Variants in MIER3 observed in about 807,000 individuals in gnomAD.
MIER3 encodes the protein mesoderm induction early response protein 3.
Under a neutral mutation model 63.2 loss-of-function variants are expected in MIER3, and 9 were observed. That is an observed-to-expected ratio of 0.14 (90% CI 0.09 to 0.25). The LOEUF (loss-of-function observed/expected upper bound fraction) is 0.25. Ranked by LOEUF, MIER3 falls within the 10% of genes least tolerant of loss-of-function variation. The pLI, the probability that MIER3 is intolerant of heterozygous loss-of-function variation, is 1.00. For synonymous variants in MIER3, 205 were observed against 224.9 expected (o/e 0.91, Z 0.79); for missense variants, 512 against 666.2 (o/e 0.77, Z 2.55).
chr5:56,942,615 G>A (rs920069962), intron 3 of MIER3, among the ~76,000 whole-genome samples: 1 of 152,126 alleles, frequency 6.6e-6, no homozygotes, highest in Non-Finnish European at 1.5e-5. Context: ...GGCACACAGA[G>A]TGAGACGATA....
intron 9 of MIER3, 60 bp from the exon 10 acceptor site, chr5:56,928,921 A>T: frequency 8.5e-7 from 1 of 1,170,598 alleles, no homozygotes. Context: ...TGAATCACTG[A>T]TTTTCAGTAT....
chr5:56,928,213 T>G (rs1750092029), intron 10 of MIER3: 1 of 152,244 alleles, frequency 6.6e-6, no homozygotes, highest in African/African-American at 2.4e-5. Flanking sequence ...TTTGGGTAAA[T>G]GCCAAGGAAC....
chr5:56,933,686 C>T (rs1405027042), intron 7 of MIER3, among the ~76,000 whole-genome samples: 1 of 152,050 alleles, frequency 6.6e-6, no homozygotes, highest in Non-Finnish European at 1.5e-5. Context: ...ATATAAAACC[C>T]CATAGTGGTT....
intron 10 of MIER3, chr5:56,925,436 A>G (rs1561230858): frequency 2.5e-6 from 1 of 401,926 alleles, no homozygotes; most frequent in South Asian, 1.9e-5. Context: ...TTAATACACA[A>G]AAGTCAACTG....
chr5:56,932,814 TAA>T (rs970243100), intron 8 of MIER3, among the ~76,000 whole-genome samples: 2 of 152,136 alleles, frequency 1.3e-5, no homozygotes, highest in African/African-American at 4.8e-5. Flanking sequence ...TTATAAAATC[TAA>T]AAGTCCAACC....
intron 1 of MIER3, among the ~76,000 whole-genome samples, chr5:56,950,970 A>T (rs904087789): frequency 6.6e-6 from 1 of 151,766 alleles, no homozygotes; most frequent in Non-Finnish European, 1.5e-5. Context: ...GGCTGGCACC[A>T]TCAGTCCCCC....
intron 8 of MIER3, among the ~76,000 whole-genome samples, chr5:56,932,264 A>G (rs1750295592): frequency 6.6e-6 from 1 of 152,212 alleles, no homozygotes; most frequent in Non-Finnish European, 1.5e-5. Context: ...CATCTTGGAA[A>G]AGTAAATAAA....
At position 56,937,656 on chromosome 5, in the gene MIER3, T is replaced by C. The variant is rs762179783; in HGVS notation, c.358A>G (p.Thr120Ala). Residue 120 changes from threonine (T) to alanine (A), a missense_variant, in exon 5 of 13, where the codon ACT (threonine) becomes GCT (alanine). Around this residue, in one of 5 missense-constraint regions of MIER3, gnomAD observed 44 missense variants for 87.6 expected, o/e 0.50. Transcript: ENST00000381199. ...GTCAGATCATCCGCAGAAGACTGAG[T>C]TTCCTCGTCATCACCTGACAACAGG... is the stretch of plus-strand genomic sequence containing the variant. ...KDLLSGDDEE[T>A]QSSADDLTPS... The C allele has an allele frequency of 1.9e-6, 3 of 1,612,506 alleles. No individual in the cohort carries two copies. Among genetic ancestry groups the C allele is most frequent in the East Asian group, 2.2e-5 (1 of 44,808 alleles).
chr5:56,952,181 G>T, upstream of MIER3: 1 of 1,111,364 alleles, frequency 9.0e-7, no homozygotes, highest in Non-Finnish European at 1.1e-6. Flanking sequence ...AGCCGCCGCC[G>T]CCACCGCCGC....
rs1367271447 is a variant in MIER3 at position 56,921,893 on chromosome 5, A to C, written c.*1235T>G. The C allele has an allele frequency of 1.3e-5, 2 of 152,646 alleles. No individual in the cohort carries two copies. The highest frequency in any genetic ancestry group is 4.8e-5 in the African/African-American group (2 of 41,442). The allele number at this position is 152,646 out of a possible 1,614,324, so 9.5% of individuals were successfully genotyped here. ...TAAAAATGCATGTTTATAGCACAAA[A>C]ATGGCCAAAGTTTAGGACAATGGCT... On this transcript the variant is annotated 3_prime_UTR_variant, in exon 13 of 13. Coordinates refer to ENST00000381199, the MANE Select transcript of MIER3 (RefSeq NM_001297599.2).
At position 56,933,264 on chromosome 5, in the gene MIER3, T is replaced by C. The variant is rs1419799004; in HGVS notation, c.730A>G (p.Thr244Ala). 2.5e-6 allele frequency: 4 copies of C among 1,611,070 alleles called. No homozygotes were observed. Among genetic ancestry groups the C allele is most frequent in the Non-Finnish European group, 3.4e-6 (4 of 1,178,806 alleles). Residue 244 changes from threonine to alanine, a missense_variant, in exon 8 of 13, where the codon ACA becomes GCA. Thr to Ala is a moderately conservative substitution (Grantham distance 58). Coordinates refer to ENST00000381199, the MANE Select transcript of MIER3 (RefSeq NM_001297599.2). ...AAGTATACCTGTTCATTGTCCCTTG[T>C]GTGTGTTCCTGCAGAAATCCTATCC... ...IMDRISAGTH[T>A]RDNEQALYEL... is the part of the protein sequence containing the mutation.
chr5:56,946,996 C>G lies in MIER3; in HGVS notation c.110G>C (p.Arg37Thr), dbSNP rs767056778. The change falls in exon 3 of 13, where the codon AGA becomes ACA. Residue 37 changes from arginine (R) to threonine (T), a missense_variant. This residue lies in a region of MIER3 where 98 missense variants were observed against 107.4 expected (regional missense o/e 0.91). Coordinates refer to ENST00000381199, the MANE Select transcript of MIER3 (RefSeq NM_001297599.2). ...EMLVHDYDDE[R>T]TLEEEEMMDE... ...CATCATTTCCTCTTCTTCAAGAGTTCTTTCATCATCATAGTCATGGACCAA... is the reference window on the plus strand; with the variant it reads ...CATCATTTCCTCTTCTTCAAGAGTTGTTTCATCATCATAGTCATGGACCAA... 6.2e-7 allele frequency: 1 copy of G among 1,609,588 alleles called. No individual in the cohort carries two copies. Among genetic ancestry groups the G allele is most frequent in the Non-Finnish European group, 8.5e-7 (1 of 1,178,586 alleles).
At chr5:56,945,240 ACTGC>A (rs1258675414) in intron 3 of MIER3, among the ~76,000 whole-genome samples, 1 of 152,166 alleles carries the variant, frequency 6.6e-6, no homozygotes, top group Non-Finnish European at 1.5e-5. Flanking sequence ...AGGCAGGTGG[ACTGC>A]CTGAGGTCAG....
chr5:56,937,101 A>G (rs1424155390), intron 5 of MIER3, among the ~76,000 whole-genome samples: 1 of 151,106 alleles, frequency 6.6e-6, no homozygotes, highest in East Asian at 2.0e-4. Context: ...TTGAGACAGA[A>G]TCTCTCTCTG....
chr5:56,941,242 C>T (rs1176480282), intron 3 of MIER3: 2 of 668,238 alleles, frequency 3.0e-6, no homozygotes, highest in Non-Finnish European at 3.7e-6. Flanking sequence ...TGACTATAGA[C>T]AAGGGCAGAC....
intron 3 of MIER3, among the ~76,000 whole-genome samples, chr5:56,946,357 T>TC (rs1750823863): frequency 6.6e-6 from 1 of 152,192 alleles, no homozygotes; most frequent in East Asian, 1.9e-4. Context: ...AAAATACAGT[T>TC]CATTTGAATT....
chr5:56,928,976 C>CAG (rs1750142641), intron 9 of MIER3, 115 bp from the exon 10 acceptor site: 9 of 391,828 alleles, frequency 2.3e-5, no homozygotes, highest in Non-Finnish European at 3.5e-5. Context: ...CTCTCACACA[C>CAG]ACACACTCTC....
chr5:56,927,387 A>T lies in MIER3; in HGVS notation c.924+1380T>A, dbSNP rs557500971. Reference sequence around the variant, plus strand: ...TACTTTCTGGTTAACTTTGCTGTAAACCTGAAACTGCTCTAAAAACTAAAG... The same window carrying T: ...TACTTTCTGGTTAACTTTGCTGTAATCCTGAAACTGCTCTAAAAACTAAAG... On this transcript the variant is annotated intron_variant, in intron 10 of 12. Coordinates refer to ENST00000381199, the MANE Select transcript of MIER3 (RefSeq NM_001297599.2). Among the ~76,000 whole-genome samples the T allele has an allele frequency of 2.0e-5, 3 of 152,282 alleles. No homozygotes were observed. In the South Asian group the frequency reaches 6.2e-4, roughly 32 times the overall value.
chr5:56,928,957 TCTCTCTCTCTCTCACACACACACA>T, intron 9 of MIER3, 96 bp from the exon 10 acceptor site: 4 of 152,644 alleles, frequency 2.6e-5, no homozygotes, highest in East Asian at 2.0e-4. Flanking sequence ...GGTCACAAAC[TCTCTCTCTCTCTCACACACACACA>T]CTCTCTCTCT....
Sources: allele counts gnomAD v4.1 joint callset (sites outside exome capture counted in the v4.1 genomes callset), GRCh38; gene constraint gnomAD v4.1.1; regional missense constraint gnomAD v4.1.1; transcripts MANE v1.5; gene names NCBI Gene and HGNC (gene_info 2026-07-23, HGNC 2026-07-21).